Variants in ZNF385D observed in about 807,000 individuals in gnomAD.
ZNF385D encodes the protein zinc finger protein 659.
In ZNF385D, 15 loss-of-function variants were observed where a neutral mutation model predicts 35.8. The ratio of observed to expected loss-of-function variants is 0.42; its 90% CI spans 0.28 to 0.64. ZNF385D has a LOEUF of 0.64. Among genes scored for constraint, ZNF385D ranks in the 30% least tolerant of loss-of-function variants. The probability of loss-of-function intolerance (pLI) is 0.23; values close to 1 mark genes in which losing one functional copy is unlikely to be tolerated. For missense variants in ZNF385D, 474 were observed against 494.6 expected, an observed-to-expected ratio of 0.96 and a Z score of 0.39; for synonymous variants, 212 against 186.8, an observed-to-expected ratio of 1.13 and a Z score of -1.10.
intron 3 of ZNF385D, among the ~76,000 whole-genome samples, chr3:21,878,663 C>T (rs1310829138): frequency 2.6e-5 from 4 of 152,006 alleles, no homozygotes; most frequent in Non-Finnish European, 5.9e-5. Flanking sequence ...TATTTAAATG[C>T]TCTCATTGAA....
chr3:22,152,533 C>G (rs1473987659), intron 3 of ZNF385D, among the ~76,000 whole-genome samples: 1 of 152,102 alleles, frequency 6.6e-6, no homozygotes, highest in Non-Finnish European at 1.5e-5. Context: ...GTTTCCTTGC[C>G]TCTTTCAGCT....
At chr3:21,574,518 G>A (rs1427195303) in intron 2 of ZNF385D, among the ~76,000 whole-genome samples, 1 of 152,008 alleles carries the variant, frequency 6.6e-6, no homozygotes, top group Non-Finnish European at 1.5e-5. Flanking sequence ...AAGTAATACT[G>A]GATTTTTGAT....
chr3:21,577,033 GCTATTTGAAGA>G (rs2063516199), intron 2 of ZNF385D, among the ~76,000 whole-genome samples: 1 of 152,046 alleles, frequency 6.6e-6, no homozygotes, highest in Non-Finnish European at 1.5e-5. Flanking sequence ...TTCTCATTTA[GCTATTTGAAGA>G]TACAGAATAA....
intron 3 of ZNF385D, among the ~76,000 whole-genome samples, chr3:21,537,404 T>C (rs764639394): frequency 6.6e-6 from 1 of 151,832 alleles, no homozygotes; most frequent in African/African-American, 2.4e-5. Context: ...GCATCTGTAA[T>C]CACCTGCTGG....
intron 3 of ZNF385D, among the ~76,000 whole-genome samples, chr3:22,011,254 G>C (rs559676875): frequency 3.3e-5 from 5 of 152,024 alleles, no homozygotes; most frequent in Non-Finnish European, 5.9e-5. Context: ...ACAAACTATG[G>C]ATAGATGGTT....
intron 3 of ZNF385D, among the ~76,000 whole-genome samples, chr3:21,992,162 A>G (rs1205583134): frequency 3.9e-5 from 6 of 152,106 alleles, no homozygotes; most frequent in Admixed American, 2.0e-4. Context: ...CTCCACTCTA[A>G]CCAAGCAATA....
chr3:21,992,093 T>C (rs1695185451), intron 3 of ZNF385D, among the ~76,000 whole-genome samples: 1 of 152,200 alleles, frequency 6.6e-6, no homozygotes. Flanking sequence ...TTAAGCTATG[T>C]GTAAATGTAT....
intron 3 of ZNF385D, among the ~76,000 whole-genome samples, chr3:22,149,875 T>C (rs1705108201): frequency 6.6e-6 from 1 of 152,174 alleles, no homozygotes; most frequent in Non-Finnish European, 1.5e-5. Context: ...TAAGTATCAA[T>C]GGGTGATAAG....
chr3:21,975,353 T>G (rs1703528905), intron 3 of ZNF385D, among the ~76,000 whole-genome samples: 1 of 151,978 alleles, frequency 6.6e-6, no homozygotes, highest in Non-Finnish European at 1.5e-5. Context: ...AGCTAAAAAT[T>G]AAAACAATGC....
intron 2 of ZNF385D, among the ~76,000 whole-genome samples, chr3:22,357,678 T>C (rs1054832433): frequency 6.6e-6 from 1 of 151,890 alleles, no homozygotes; most frequent in African/African-American, 2.4e-5. Context: ...TTCCAAGTTA[T>C]TCTCTCAGGG....
intron 3 of ZNF385D, among the ~76,000 whole-genome samples, chr3:22,022,121 T>G (rs767780857): frequency 6.6e-6 from 1 of 152,140 alleles, no homozygotes; most frequent in African/African-American, 2.4e-5. Flanking sequence ...TTAATTTCTC[T>G]GTATTTCAGT....
chr3:21,866,345 T>C (rs146839494), intron 3 of ZNF385D, among the ~76,000 whole-genome samples: 10 of 151,992 alleles, frequency 6.6e-5, no homozygotes, highest in Non-Finnish European at 1.5e-4. Flanking sequence ...TCGCAGCTAC[T>C]TGGGAGGCTG....
chr3:21,960,854 C>T (rs903851356), intron 3 of ZNF385D, among the ~76,000 whole-genome samples: 5 of 152,026 alleles, frequency 3.3e-5, no homozygotes, highest in African/African-American at 9.7e-5. Flanking sequence ...TGTTCTCGCT[C>T]ACATGTGGGA....
chr3:22,027,359 C>A (rs934165178), intron 3 of ZNF385D, among the ~76,000 whole-genome samples: 4 of 152,196 alleles, frequency 2.6e-5, no homozygotes, highest in African/African-American at 9.6e-5. Flanking sequence ...GGCTGCTGTG[C>A]AAGCTGCTCT....
chr3:22,318,924 G>A (rs1012309178), intron 2 of ZNF385D, among the ~76,000 whole-genome samples: 1 of 152,146 alleles, frequency 6.6e-6, no homozygotes, highest in East Asian at 1.9e-4. Context: ...CATAGGTTAA[G>A]TTCCCTAGAA....
At chr3:22,155,537 G>C (rs775961970) in intron 3 of ZNF385D, among the ~76,000 whole-genome samples, 9 of 151,990 alleles carry the variant, frequency 5.9e-5, no homozygotes, top group Non-Finnish European at 1.0e-4. Context: ...TCCTTGACTA[G>C]TAAATAAAAT....
chr3:21,460,218 T>C lies in ZNF385D; in HGVS notation c.440-23015A>G, dbSNP rs149871325. On this transcript the variant is annotated intron_variant, in intron 4 of 7. Transcript: ENST00000281523. ...AGTGCCAGAAAAAATAAAATTCAAG[T>C]ATTGTTTAGTGTCATATGCCCTGGC... 2.7e-3 allele frequency among the ~76,000 whole-genome samples: 414 copies of C among 152,246 alleles called. 1 individual carries two copies. Among genetic ancestry groups the C allele is most frequent in the African/African-American group, 9.7e-3 (401 of 41,546 alleles).
chr3:22,049,796 G>A (rs1699234064), intron 3 of ZNF385D, among the ~76,000 whole-genome samples: 2 of 152,022 alleles, frequency 1.3e-5, no homozygotes, highest in South Asian at 4.1e-4. Flanking sequence ...GTGGTATATT[G>A]CATTTGCTGA....
At chr3:21,814,653 C>G (rs1238177689) in intron 3 of ZNF385D, among the ~76,000 whole-genome samples, 1 of 152,144 alleles carries the variant, frequency 6.6e-6, no homozygotes, top group South Asian at 2.1e-4. Context: ...TATATATGCA[C>G]CCAATACAGG....
Sources: gnomAD v4.1 joint callset for allele counts (sites outside exome capture counted in the v4.1 genomes callset) on GRCh38, gnomAD v4.1.1 for gene constraint, MANE v1.5 for transcripts, NCBI Gene and HGNC (gene_info 2026-07-23, HGNC 2026-07-21) for gene names.